Variants in SEL1L2 observed in about 807,000 individuals in gnomAD.
The protein encoded by SEL1L2 is SEL1L2 adaptor subunit of SYVN1 ubiquitin ligase.
A neutral mutation model predicts 98.8 loss-of-function variants in SEL1L2; 89 were observed. The ratio of observed to expected loss-of-function variants is 0.90; its 90% CI spans 0.76 to 1.07. The LOEUF (loss-of-function observed/expected upper bound fraction) is 1.07. Among genes scored for constraint, SEL1L2 ranks in the 50% least tolerant of loss-of-function variants. SEL1L2 has a pLI of 0.00. For missense variants in SEL1L2, 788 were observed against 812.0 expected, an observed-to-expected ratio of 0.97 and a Z score of 0.36; for synonymous variants, 262 against 278.5, an observed-to-expected ratio of 0.94 and a Z score of 0.59.
intron 17 of SEL1L2, 32 bp from the exon 18 acceptor site, chr20:13,859,466 A>T: frequency 6.5e-7 from 1 of 1,546,140 alleles, no homozygotes; most frequent in South Asian, 1.1e-5. Context: ...AAAGAATCAT[A>T]ACTCAAATGA....
At chr20:13,964,963 C>T (rs2050972656) in intron 1 of SEL1L2, among the ~76,000 whole-genome samples, 1 of 152,140 alleles carries the variant, frequency 6.6e-6, no homozygotes, top group African/African-American at 2.4e-5. Flanking sequence ...CTTCTTCCTT[C>T]TAACCCCCTA....
upstream of SEL1L2, among the ~76,000 whole-genome samples, chr20:13,993,747 T>G (rs2148599684): frequency 6.6e-6 from 1 of 152,312 alleles, no homozygotes; most frequent in East Asian, 1.9e-4. Flanking sequence ...TCTGCAACTG[T>G]TCCCATATTG....
intron 2 of SEL1L2, among the ~76,000 whole-genome samples, chr20:13,953,365 G>A (rs371540176): frequency 1.3e-5 from 2 of 152,090 alleles, no homozygotes; most frequent in African/African-American, 2.4e-5. Flanking sequence ...CCTTTCTGCC[G>A]GGTACCCTTA....
At chr20:13,860,823 T>C (rs1482500912) in intron 17 of SEL1L2, among the ~76,000 whole-genome samples, 1 of 152,096 alleles carries the variant, frequency 6.6e-6, no homozygotes, top group Non-Finnish European at 1.5e-5. Context: ...GCTCTTATAA[T>C]TGCCTCTTGA....
Position 13,969,889 on chromosome 20 carries a change from T to C in SEL1L2, c.59-13758A>G, listed in dbSNP as rs926086959. Among the ~76,000 whole-genome samples the C allele has an allele frequency of 4.6e-5, 7 of 152,210 alleles. No individual in the cohort carries two copies. The East Asian group carries it at 1.3e-3, about 29-fold the overall frequency. ...ACCTGTAGGTCTCACTGGATACTACTGCCTTCAATGACCCATCATCCGTTC... is the reference window on the plus strand; with the variant it reads ...ACCTGTAGGTCTCACTGGATACTACCGCCTTCAATGACCCATCATCCGTTC... On this transcript the variant is annotated intron_variant, in intron 1 of 19. Coordinates refer to ENST00000284951, the MANE Select transcript of SEL1L2 (RefSeq NM_025229.2).
rs529574040 is a variant in SEL1L2, at chr20:13,905,551, T to A, written c.549+8231A>T. ...GAATGGTCTCGATCTCCTGACCTCA[T>A]GATCCGCCCTCCTTGGCCTCCCAAA... On this transcript the variant is annotated intron_variant, in intron 5 of 19. Transcript: ENST00000284951. Among the ~76,000 whole-genome samples, 27 of 152,194 alleles carry A rather than the reference T, an allele frequency of 1.8e-4. No individual in the cohort carries two copies. The South Asian group carries it at 5.6e-3, about 32-fold the overall frequency.
chr20:13,960,809 G>T (rs540731919), intron 1 of SEL1L2, among the ~76,000 whole-genome samples: 1 of 152,156 alleles, frequency 6.6e-6, no homozygotes, highest in South Asian at 2.1e-4. Flanking sequence ...GAAAATATTA[G>T]ATCTACTTGC....
chr20:13,957,860 G>A (rs1482363299), intron 1 of SEL1L2, among the ~76,000 whole-genome samples: 1 of 152,178 alleles, frequency 6.6e-6, no homozygotes, highest in Non-Finnish European at 1.5e-5. Flanking sequence ...CTGGGTGACA[G>A]AGCGAGACCC....
intron 5 of SEL1L2, among the ~76,000 whole-genome samples, chr20:13,899,431 T>C (rs967500340): frequency 2.6e-5 from 4 of 152,228 alleles, no homozygotes; most frequent in African/African-American, 9.6e-5. Context: ...TTATATTTTT[T>C]CTTCTTAGCA....
At chr20:13,915,112 G>A in intron 4 of SEL1L2, 2 of 1,288,372 alleles carry the variant, frequency 1.6e-6, no homozygotes, top group Non-Finnish European at 2.0e-6. Flanking sequence ...GGAGGATCAG[G>A]AGACTCACCT....
chr20:13,960,380 G>T (rs192387711), intron 1 of SEL1L2, among the ~76,000 whole-genome samples: 53 of 152,268 alleles, frequency 3.5e-4, no homozygotes, highest in Non-Finnish European at 5.7e-4. Context: ...AGTAGGATAA[G>T]TGTAGATAAA....
chr20:13,865,493 G>T lies in SEL1L2; in HGVS notation c.1426C>A (p.Leu476Ile). 2 of 1,613,940 alleles carry T rather than the reference G, an allele frequency of 1.2e-6. No individual in the cohort carries two copies. Among genetic ancestry groups the T allele is most frequent in the Non-Finnish European group, 1.7e-6 (2 of 1,179,938 alleles). Residue 476 changes from leucine to isoleucine, a missense_variant, in exon 16 of 20, where the codon CTA becomes ATA. By Grantham distance (5) the Leu-to-Ile change is conservative. Transcript: ENST00000284951. ...AGGAATTTCTCAGCCCAGTGGCCTAGTTCACAGACACCTTTATAAAGCTGT... is the reference window on the plus strand; with the variant it reads ...AGGAATTTCTCAGCCCAGTGGCCTATTTCACAGACACCTTTATAAAGCTGT... ...AVELYKGVCE[L>I]GHWAEKFLTA...
intron 1 of SEL1L2, among the ~76,000 whole-genome samples, chr20:13,970,222 T>C (rs1457597165): frequency 6.6e-6 from 1 of 152,186 alleles, no homozygotes; most frequent in African/African-American, 2.4e-5. Flanking sequence ...TCTTCTGACA[T>C]ACCGTGAAAT....
At chr20:13,983,046 A>AAAAAAAAAAAAAAAAAAAAAAAAAAAAC (rs2051933722) in intron 1 of SEL1L2, among the ~76,000 whole-genome samples, 1 of 145,616 alleles carries the variant, frequency 6.9e-6, no homozygotes, top group Non-Finnish European at 1.5e-5. Context: ...AAAAAAAAAA[A>AAAAAAAAAAAAAAAAAAAAAAAAAAAAC]AAGCAGCAGC....
At chr20:13,851,274 G>A (rs1988211773) in intron 18 of SEL1L2, 1 of 152,038 alleles carries the variant, frequency 6.6e-6, no homozygotes, top group Non-Finnish European at 1.5e-5. Flanking sequence ...TCAGAATACA[G>A]GTAGTTAGTA....
At chr20:13,963,323 C>G (rs73612326) in intron 1 of SEL1L2, among the ~76,000 whole-genome samples, 1 of 140,334 alleles carries the variant, frequency 7.1e-6, no homozygotes, top group Non-Finnish European at 1.5e-5. Context: ...ACTTCTCATT[C>G]TCTCTTATAT....
intron 1 of SEL1L2, among the ~76,000 whole-genome samples, chr20:13,957,610 C>T (rs192576068): frequency 4.4e-4 from 67 of 152,278 alleles, no homozygotes; most frequent in African/African-American, 1.6e-3. Flanking sequence ...GGTATGGCAG[C>T]TCACACCTGT....
At chr20:13,950,264 G>A (rs113954614) in intron 2 of SEL1L2, among the ~76,000 whole-genome samples, 3,514 of 152,220 alleles carry the variant, frequency 0.023, 52 homozygotes, top group Non-Finnish European at 0.038. Context: ...GCACAACAGT[G>A]TGAATGTAAT....
chr20:13,861,374 G>T (rs926303080), intron 17 of SEL1L2, among the ~76,000 whole-genome samples: 22 of 151,650 alleles, frequency 1.5e-4, no homozygotes, highest in Admixed American at 9.2e-4. Context: ...TCGAAATCCT[G>T]GGCTCAAGCG....
Sources: gnomAD v4.1 joint callset for allele counts (sites outside exome capture counted in the v4.1 genomes callset) on GRCh38, gnomAD v4.1.1 for gene constraint, MANE v1.5 for transcripts, NCBI Gene and HGNC (gene_info 2026-07-23, HGNC 2026-07-21) for gene names.